MBTPS1: variants seen among roughly 807,000 people sequenced by gnomAD.
MBTPS1 encodes membrane-bound transcription factor site-1 protease.
A neutral mutation model predicts 127.8 loss-of-function variants in MBTPS1; 94 were observed. The observed-to-expected ratio is 0.74, with a 90% confidence interval of 0.62 to 0.87. The LOEUF is 0.87. MBTPS1 is among the 40% of genes least tolerant of loss of function. The pLI, the probability that MBTPS1 is intolerant of heterozygous loss-of-function variation, is 0.00. For synonymous variants in MBTPS1, 632 were observed against 509.4 expected (o/e 1.24, Z -3.24); for missense variants, 1,636 against 1,353.2 (o/e 1.21, Z -3.28).
chr16:84,062,562 C>T (rs995131430), intron 19 of MBTPS1, among the ~76,000 whole-genome samples: 2 of 152,222 alleles, frequency 1.3e-5, no homozygotes, highest in African/African-American at 4.8e-5. Context: ...CACTCACCAC[C>T]CGCCCTGTGC....
chr16:84,070,720 G>A lies in MBTPS1; in HGVS notation c.1650C>T (p.Ser550=). 6.2e-7 allele frequency: 1 copy of A among 1,614,112 alleles called. No individual in the cohort carries two copies. The highest frequency in any genetic ancestry group is 8.5e-7 in the Non-Finnish European group (1 of 1,180,012). The change falls in exon 13 of 23, where the codon TCC becomes TCT. Residue 550 remains serine (S), a synonymous_variant. Transcript: ENST00000343411. ...ACCAAGGCCATAAGACCGAGGAGTAGGAGAAGGCAACTTCAATGTTGTCTC... is the reference window on the plus strand; with the variant it reads ...ACCAAGGCCATAAGACCGAGGAGTAAGAGAAGGCAACTTCAATGTTGTCTC... The part of the protein sequence containing the change: ...QNGDNIEVAF[S]YSSVLWPWSG...
At chr16:84,092,488 A>G (rs2086123164) in intron 6 of MBTPS1, among the ~76,000 whole-genome samples, 1 of 152,192 alleles carries the variant, frequency 6.6e-6, no homozygotes, top group Non-Finnish European at 1.5e-5. Context: ...TTTCTCATAT[A>G]CACCAAAGAA....
chr16:84,098,479 G>A (rs929508499), intron 3 of MBTPS1, among the ~76,000 whole-genome samples: 2 of 151,924 alleles, frequency 1.3e-5, no homozygotes, highest in South Asian at 2.1e-4. Context: ...GCATGGTGGC[G>A]CATGCCTGTA....
chr16:84,071,232 G>A (rs1210981578), intron 12 of MBTPS1, among the ~76,000 whole-genome samples: 1 of 152,206 alleles, frequency 6.6e-6, no homozygotes, highest in African/African-American at 2.4e-5. Context: ...GGAAAGAGGT[G>A]GCCGGAGGGA....
At chr16:84,105,635 G>A (rs368283284) in intron 1 of MBTPS1, among the ~76,000 whole-genome samples, 1 of 152,202 alleles carries the variant, frequency 6.6e-6, no homozygotes, top group African/African-American at 2.4e-5. Flanking sequence ...AGCCTGAGGA[G>A]GGAGGCAAGG....
intron 8 of MBTPS1, among the ~76,000 whole-genome samples, chr16:84,089,500 C>T (rs2086074418): frequency 6.6e-6 from 1 of 152,188 alleles, no homozygotes; most frequent in African/African-American, 2.4e-5. Context: ...TAGAAAACTG[C>T]TACAATATAT....
At chr16:84,083,319 G>A (rs144222313) in intron 10 of MBTPS1, among the ~76,000 whole-genome samples, 18 of 152,302 alleles carry the variant, frequency 1.2e-4, no homozygotes, top group African/African-American at 3.1e-4. Context: ...GGAAAACAAC[G>A]GCAAGAGAAG....
At chr16:84,106,375 T>C (rs1229913155) in intron 1 of MBTPS1, among the ~76,000 whole-genome samples, 1 of 152,262 alleles carries the variant, frequency 6.6e-6, no homozygotes, top group East Asian at 1.9e-4. Context: ...GGGTTTCTGC[T>C]ACAGCACTAC....
chr16:84,066,396 T>C, intron 17 of MBTPS1, 93 bp downstream of exon 17: 2 of 1,332,460 alleles, frequency 1.5e-6, no homozygotes, highest in Non-Finnish European at 2.0e-6. Context: ...AACTGAGGGA[T>C]CACCATTCTC....
chr16:84,054,660 C>T lies in MBTPS1; in HGVS notation c.2963-15G>A, dbSNP rs965168169. ...AGGCATGATCCCTGTAAGAGGACAG[C>T]CGGTTGAACAGGCAGGAACGCCACA... On this transcript the variant is annotated splice_polypyrimidine_tract_variant and intron_variant, in intron 22 of 22. Coordinates refer to ENST00000343411, the MANE Select transcript of MBTPS1 (RefSeq NM_003791.4). 4 of 1,564,688 alleles carry T rather than the reference C, an allele frequency of 2.6e-6. No homozygotes were observed. Among genetic ancestry groups the T allele is most frequent in the Non-Finnish European group, 3.5e-6 (4 of 1,151,532 alleles).
chr16:84,070,896 G>C (rs573900125), intron 12 of MBTPS1, 120 bp from the exon 13 acceptor site: 12 of 742,640 alleles, frequency 1.6e-5, no homozygotes, highest in Non-Finnish European at 2.4e-5. Context: ...ACTAAATAGG[G>C]AAAAATAAAA....
rs1321256999 is a variant in MBTPS1, at chr16:84,085,583, A to ACCC, written c.1135-450_1135-449insGGG. ...CAGCCCCGCACCCGCCCCCCCCCCAAAAAAAAAGAGAAAAAAACAAAGAAA... is the reference window on the plus strand; with the variant it reads ...CAGCCCCGCACCCGCCCCCCCCCCAACCCAAAAAAAGAGAAAAAAACAAAGAAA... On this transcript the variant is annotated intron_variant, in intron 9 of 22. Transcript: ENST00000343411. 9.7e-3 allele frequency among the ~76,000 whole-genome samples: 799 copies of ACCC among 82,488 alleles called. 17 individuals carry two copies. The highest frequency in any genetic ancestry group is 0.043 in the East Asian group (123 of 2,856). 54.1% of individuals were successfully genotyped at this position (82,488 alleles called of 152,430 possible).
At chr16:84,065,233 T>C (rs1435872601) in intron 18 of MBTPS1, among the ~76,000 whole-genome samples, 2 of 151,696 alleles carry the variant, frequency 1.3e-5, no homozygotes, top group African/African-American at 4.8e-5. Flanking sequence ...TTCTCCTGCC[T>C]CAGCCTCCTG....
At chr16:84,084,853 G>T in intron 10 of MBTPS1, 130 bp downstream of exon 10, 1 of 866,696 alleles carries the variant, frequency 1.2e-6, no homozygotes, top group African/African-American at 1.7e-5. Flanking sequence ...GAGAGACAGA[G>T]CAAGGCTGTG....
At chr16:84,073,675 T>C (rs1018961913) in intron 12 of MBTPS1, among the ~76,000 whole-genome samples, 1 of 140,124 alleles carries the variant, frequency 7.1e-6, no homozygotes, top group Admixed American at 6.8e-5. Flanking sequence ...CAAAACAATA[T>C]TAAAAAAAAA....
Position 84,067,569 on chromosome 16 carries a change from A to G in MBTPS1, c.2228+98T>C. 3 of 1,006,586 alleles carry G rather than the reference A, an allele frequency of 3.0e-6. No homozygotes were observed. The East Asian group carries it at 7.4e-5, about 25-fold the overall frequency. The allele number at this position is 1,006,586 out of a possible 1,614,324, so 62.4% of individuals were successfully genotyped here. A position where few individuals can be genotyped will look rare whatever the true frequency, so the allele number is the denominator to read the frequency against. ...CTCTGAATGTGTCTGTGCCAACTGGAAAGACCACCAACAGGTCAAATCATC... is the reference window on the plus strand; with the variant it reads ...CTCTGAATGTGTCTGTGCCAACTGGGAAGACCACCAACAGGTCAAATCATC... On this transcript the variant is annotated intron_variant, in intron 16 of 22. Transcript: ENST00000343411.
At chr16:84,068,006 C>T (rs920383698) in intron 15 of MBTPS1, among the ~76,000 whole-genome samples, 183 bp from the exon 16 acceptor site, 1 of 152,190 alleles carries the variant, frequency 6.6e-6, no homozygotes, top group Non-Finnish European at 1.5e-5. Flanking sequence ...CAATACACAG[C>T]GACTAACTGT....
At chr16:84,054,773 T>C in intron 22 of MBTPS1, 128 bp from the exon 23 acceptor site, 1 of 668,832 alleles carries the variant, frequency 1.5e-6, no homozygotes, top group Non-Finnish European at 2.4e-6. Flanking sequence ...TTGCAGGGCA[T>C]ACATCATTTT....
At chr16:84,098,225 C>A (rs11860710) in intron 3 of MBTPS1, among the ~76,000 whole-genome samples, 42,114 of 152,132 alleles carry the variant, frequency 0.28, 5,983 homozygotes, top group African/African-American at 0.33. Context: ...CTGATGACTT[C>A]AACGAACCCA....
Sources: allele counts gnomAD v4.1 joint callset (sites outside exome capture counted in the v4.1 genomes callset), GRCh38; gene constraint gnomAD v4.1.1; transcripts MANE v1.5; gene names NCBI Gene and HGNC (gene_info 2026-07-23, HGNC 2026-07-21).